The following CARMIL1 variants were observed in gnomAD, a reference collection of about 807,000 sequenced individuals.
CARMIL1 encodes the protein capping protein regulator and myosin 1 linker 1.
Under a neutral mutation model 177.1 loss-of-function variants are expected in CARMIL1, and 90 were observed. The observed-to-expected ratio is 0.51, with a 90% CI of 0.43 to 0.61. The LOEUF is 0.61. Among genes scored for constraint, CARMIL1 ranks in the 20% least tolerant of loss-of-function variants. The pLI is 0.00. For missense variants in CARMIL1, 1,380 were observed against 1,667.0 expected (o/e 0.83, Z 3.00); for synonymous variants, 577 against 606.2 (o/e 0.95, Z 0.71).
intron 2 of CARMIL1, among the ~76,000 whole-genome samples, chr6:25,357,719 A>G (rs1254578462): frequency 6.6e-6 from 1 of 152,252 alleles, no homozygotes; most frequent in East Asian, 1.9e-4. Context: ...CAGTATAAAC[A>G]ACCTGTAGTT....
chr6:25,416,429 T>C (rs566997716), intron 2 of CARMIL1, among the ~76,000 whole-genome samples: 1 of 152,174 alleles, frequency 6.6e-6, no homozygotes, highest in Non-Finnish European at 1.5e-5. Context: ...TGTGCCTCTG[T>C]TTCTTCATCT....
chr6:25,291,921 G>A (rs1245951783), intron 2 of CARMIL1, among the ~76,000 whole-genome samples: 2 of 151,906 alleles, frequency 1.3e-5, no homozygotes, highest in African/African-American at 2.4e-5. Flanking sequence ...AAATAGAGAC[G>A]GTAGGGGAAG....
chr6:25,309,354 CAAAAA>C (rs70975001), intron 2 of CARMIL1, among the ~76,000 whole-genome samples: 5 of 85,682 alleles, frequency 5.8e-5, no homozygotes, highest in Admixed American at 1.3e-4. Context: ...GAGTCCCTCT[CAAAAA>C]AAAAAAAAAA....
chr6:25,398,960 A>G (rs533976212), intron 2 of CARMIL1, among the ~76,000 whole-genome samples: 24 of 152,220 alleles, frequency 1.6e-4, no homozygotes, highest in Non-Finnish European at 2.9e-4. Context: ...TGTCTATAAC[A>G]AGAGAATCAT....
At chr6:25,330,009 A>G (rs1055384045) in intron 2 of CARMIL1, among the ~76,000 whole-genome samples, 2 of 152,206 alleles carry the variant, frequency 1.3e-5, no homozygotes, top group African/African-American at 4.8e-5. Context: ...CACATTGAGG[A>G]CACTGTTGTA....
chr6:25,368,927 A>T lies in CARMIL1; in HGVS notation c.139-51187A>T, dbSNP rs74673162. Among the ~76,000 whole-genome samples the T allele has an allele frequency of 4.9e-3, 739 of 152,260 alleles. 6 individuals carry two copies. Among genetic ancestry groups the T allele is most frequent in the African/African-American group, 0.017 (699 of 41,558 alleles). ...ATGATGTACTTATTGATTTACTGTA[A>T]ATAATTACAGTGGAGCAATTCTGTT... On this transcript the variant is annotated intron_variant, in intron 2 of 36. Transcript: ENST00000329474.
rs143533009 is a variant in CARMIL1 at position 25,344,939 on chromosome 6, C to T, written c.138+60030C>T. Among the ~76,000 whole-genome samples, 885 of 152,312 alleles carry T rather than the reference C, an allele frequency of 5.8e-3. 6 individuals carry two copies. The highest frequency in any genetic ancestry group is 9.4e-3 in the Non-Finnish European group (640 of 68,022). ...TTTTCTTATTAAATAAAAACATCCTCTCTTGACTCTGATTTCTCTTCCAGC... is the reference window on the plus strand; with the variant it reads ...TTTTCTTATTAAATAAAAACATCCTTTCTTGACTCTGATTTCTCTTCCAGC... On this transcript the variant is annotated intron_variant, in intron 2 of 36. Coordinates refer to ENST00000329474, the MANE Select transcript of CARMIL1 (RefSeq NM_017640.6).
intron 32 of CARMIL1, among the ~76,000 whole-genome samples, chr6:25,595,153 T>G (rs1406115312): frequency 6.6e-6 from 1 of 152,256 alleles, no homozygotes; most frequent in African/African-American, 2.4e-5. Context: ...TAACAGTTCT[T>G]TAACTTGAAA....
chr6:25,383,948 C>T (rs537585013), intron 2 of CARMIL1, among the ~76,000 whole-genome samples: 116 of 152,142 alleles, frequency 7.6e-4, no homozygotes, highest in Non-Finnish European at 1.5e-3. Flanking sequence ...AAGCAATTCT[C>T]CCTGCCTCAG....
At position 25,382,247 on chromosome 6, in the gene CARMIL1, G is replaced by A. The variant is rs772609962; in HGVS notation, c.139-37867G>A. On this transcript the variant is annotated intron_variant, in intron 2 of 36. Transcript: ENST00000329474. ...TGAGTAGCTGGGATTACAGGTGTAC[G>A]TCACCACGTCTGGCTAATTTTTGTA... Among the ~76,000 whole-genome samples the A allele has an allele frequency of 2.6e-5, 4 of 152,014 alleles. No individual in the cohort carries two copies. The East Asian group carries it at 5.8e-4, about 22-fold the overall frequency.
At position 25,306,646 on chromosome 6, in the gene CARMIL1, A is replaced by G. The variant is rs557212250; in HGVS notation, c.138+21737A>G. 5.9e-5 allele frequency among the ~76,000 whole-genome samples: 9 copies of G among 152,308 alleles called. No homozygotes were observed. In the South Asian group the frequency reaches 1.9e-3, roughly 32 times the overall value. Reference sequence around the variant, plus strand: ...TCATTCCTTTTTAATGCTGAATAATATTCTGTTGTATGCATATACCAATTT... The same window carrying G: ...TCATTCCTTTTTAATGCTGAATAATGTTCTGTTGTATGCATATACCAATTT... On this transcript the variant is annotated intron_variant, in intron 2 of 36. Transcript: ENST00000329474.
At chr6:25,565,396 T>TACTGAGCCTACTGAGACTA (rs1292247702) in intron 29 of CARMIL1, among the ~76,000 whole-genome samples, 1 of 152,210 alleles carries the variant, frequency 6.6e-6, no homozygotes, top group African/African-American at 2.4e-5. Context: ...CAGGAGTAGC[T>TACTGAGCCTACTGAGACTA]CTGGGGCTCA....
intron 5 of CARMIL1, among the ~76,000 whole-genome samples, chr6:25,439,738 T>G (rs1328446931): frequency 6.6e-6 from 1 of 152,274 alleles, no homozygotes; most frequent in East Asian, 1.9e-4. Flanking sequence ...ATGTGGCATA[T>G]GTGGACAACT....
chr6:25,563,555 C>G lies in CARMIL1; in HGVS notation c.2742+6705C>G, dbSNP rs866749564. ...TCTCAACAGAGCCCAGAGGAGGAGG[C>G]AGTTGTACTTGATGTTGAAGTCTTA... On this transcript the variant is annotated intron_variant, in intron 29 of 36. Coordinates refer to ENST00000329474, the MANE Select transcript of CARMIL1 (RefSeq NM_017640.6). 9 of 985,296 alleles carry G rather than the reference C, an allele frequency of 9.1e-6. No individual in the cohort carries two copies. In the Middle Eastern group the frequency reaches 1.5e-3, roughly 170 times the overall value. 61.0% of individuals were successfully genotyped at this position (985,296 alleles called of 1,614,324 possible).
At chr6:25,378,908 G>C (rs960950889) in intron 2 of CARMIL1, among the ~76,000 whole-genome samples, 5 of 151,098 alleles carry the variant, frequency 3.3e-5, no homozygotes, top group Non-Finnish European at 5.9e-5. Flanking sequence ...AAAAACAGGT[G>C]TTATTGGGTA....
At chr6:25,471,279 T>C (rs904273470) in intron 10 of CARMIL1, 22 bp downstream of exon 10, 28 of 1,549,854 alleles carry the variant, frequency 1.8e-5, no homozygotes, top group Non-Finnish European at 2.2e-5. Flanking sequence ...CCTGAATATA[T>C]AAATATGTTG....
intron 5 of CARMIL1, among the ~76,000 whole-genome samples, chr6:25,448,640 A>G (rs946561825): frequency 6.6e-6 from 1 of 152,080 alleles, no homozygotes; most frequent in Admixed American, 6.5e-5. Context: ...TTCGCCCTGA[A>G]CTTTCCTTGT....
In CARMIL1 at chr6:25,539,987, C is replaced by A. The variant is rs201096469; in HGVS notation, c.2237C>A (p.Ala746Glu). The A allele has an allele frequency of 6.4e-5, 103 of 1,603,424 alleles. No homozygotes were observed. Among genetic ancestry groups the A allele is most frequent in the Non-Finnish European group, 8.5e-6 (10 of 1,175,670 alleles). Residue 746 changes from alanine (A) to glutamate (E), a missense_variant, in exon 26 of 37, where the codon GCG becomes GAG. Coordinates refer to ENST00000329474, the MANE Select transcript of CARMIL1 (RefSeq NM_017640.6). ...NLYHVGGASW[A>E]GASGLLSSPI... ...TACCATGTTGGTGGTGCATCTTGGG[C>A]GGGAGCCAGTGGCTTACTATCCAGT...
intron 4 of CARMIL1, among the ~76,000 whole-genome samples, chr6:25,428,950 C>A (rs1796498721): frequency 6.6e-6 from 1 of 152,134 alleles, no homozygotes; most frequent in Non-Finnish European, 1.5e-5. Context: ...TCATTTTTTA[C>A]AAAGATGATG....
Sources: gnomAD v4.1 joint callset for allele counts (sites outside exome capture counted in the v4.1 genomes callset) on GRCh38, gnomAD v4.1.1 for gene constraint, MANE v1.5 for transcripts, NCBI Gene and HGNC (gene_info 2026-07-23, HGNC 2026-07-21) for gene names.